The following PHF14 variants were observed in gnomAD, a reference collection of about 807,000 sequenced individuals.
PHF14 encodes the protein PHD finger protein 14.
A neutral mutation model predicts 117.9 loss-of-function variants in PHF14; 55 were observed. The ratio of observed to expected loss-of-function variants is 0.47; its 90% confidence interval spans 0.38 to 0.58. PHF14 has a LOEUF of 0.58. Among genes scored for constraint, PHF14 ranks in the 20% least tolerant of loss-of-function variants. The probability of loss-of-function intolerance (pLI) is 0.00; values close to 1 mark genes in which losing one functional copy is unlikely to be tolerated. For missense variants in PHF14, 978 were observed against 1,122.2 expected, an observed-to-expected ratio of 0.87 and a Z score of 1.84; for synonymous variants, 409 against 368.6, an observed-to-expected ratio of 1.11 and a Z score of -1.26.
At position 11,143,369 on chromosome 7, in the gene PHF14, C is replaced by T. The variant is rs1788453230; in HGVS notation, c.2773-26047C>T. On this transcript the variant is annotated intron_variant, in intron 17 of 17. Coordinates refer to ENST00000634607, the MANE Select transcript of PHF14 (RefSeq NM_001007157.2). Reference sequence around the variant, plus strand: ...CCCCTGGGGTCAAGTGATTCTTCCGCCTCTGCCTCCGAAAATGCTAGGATT... The same window carrying T: ...CCCCTGGGGTCAAGTGATTCTTCCGTCTCTGCCTCCGAAAATGCTAGGATT... 2.0e-5 allele frequency among the ~76,000 whole-genome samples: 3 copies of T among 150,556 alleles called. No homozygotes were observed. In the South Asian group the frequency reaches 6.2e-4, roughly 31 times the overall value.
intron 16 of PHF14, chr7:11,063,389 A>G (rs1427096118): frequency 1.0e-6 from 1 of 979,986 alleles, no homozygotes; most frequent in Non-Finnish European, 1.2e-6. Context: ...CATAAGCGTA[A>G]CATAATGGAG....
chr7:11,013,706 A>G (rs1215161256), intron 4 of PHF14, 41 bp from the exon 5 acceptor site: 13 of 1,193,416 alleles, frequency 1.1e-5, no homozygotes, highest in Non-Finnish European at 1.4e-5. Flanking sequence ...GACTTTAACA[A>G]AATAAACCCT....
At chr7:11,040,817 T>G (rs542479293) in intron 12 of PHF14, 42 bp downstream of exon 12, 4 of 890,966 alleles carry the variant, frequency 4.5e-6, no homozygotes, top group Non-Finnish European at 6.6e-6. Context: ...TGTTGTGTAT[T>G]TTTTTAAACT....
intron 1 of PHF14, among the ~76,000 whole-genome samples, 185 bp from the exon 2 acceptor site, chr7:10,974,650 C>T (rs568864681): frequency 7.9e-5 from 12 of 152,252 alleles, no homozygotes; most frequent in East Asian, 1.9e-4. Flanking sequence ...TGAAACTGCC[C>T]GTGGAGCTGT....
intron 17 of PHF14, among the ~76,000 whole-genome samples, chr7:11,140,601 T>G (rs1344790972): frequency 6.6e-6 from 1 of 152,176 alleles, no homozygotes; most frequent in East Asian, 1.9e-4. Context: ...ATAAATTTCT[T>G]GTTTTTCTTA....
intron 4 of PHF14, among the ~76,000 whole-genome samples, chr7:11,012,961 C>T (rs1470287432): frequency 2.6e-5 from 4 of 152,214 alleles, no homozygotes; most frequent in African/African-American, 7.2e-5. Flanking sequence ...TTTGCTTTTA[C>T]AATTGTATTA....
chr7:11,048,339 C>T (rs972026731), intron 13 of PHF14, among the ~76,000 whole-genome samples: 50 of 151,964 alleles, frequency 3.3e-4, no homozygotes, highest in African/African-American at 7.0e-4. Context: ...TTGGGGAGGG[C>T]GGGGCAGGTG....
chr7:11,115,679 A>G (rs993427769), intron 17 of PHF14, among the ~76,000 whole-genome samples: 3 of 152,026 alleles, frequency 2.0e-5, no homozygotes, highest in Admixed American at 6.6e-5. Flanking sequence ...AGGTTTGGCT[A>G]TTAATCCCAG....
At chr7:11,013,649 C>G (rs1460894057) in intron 4 of PHF14, 98 bp from the exon 5 acceptor site, 5 of 606,342 alleles carry the variant, frequency 8.2e-6, no homozygotes, top group Non-Finnish European at 1.4e-5. Flanking sequence ...TGTTTCATAT[C>G]TTTTTCCTCA....
chr7:11,077,713 T>C (rs1363821247), intron 16 of PHF14, among the ~76,000 whole-genome samples: 3 of 152,068 alleles, frequency 2.0e-5, no homozygotes, highest in Non-Finnish European at 2.9e-5. Context: ...CCTGTGAGCT[T>C]AGAGGTTGTT....
chr7:11,076,046 G>A (rs1356941088), intron 16 of PHF14, among the ~76,000 whole-genome samples: 2 of 152,174 alleles, frequency 1.3e-5, no homozygotes, highest in Admixed American at 6.5e-5. Flanking sequence ...GGCTGAGGCA[G>A]GAGAATGGTG....
At chr7:11,015,270 C>T (rs149925817) in intron 5 of PHF14, 89 of 152,068 alleles carry the variant, frequency 5.9e-4, no homozygotes, top group Middle Eastern at 3.4e-3. Flanking sequence ...GTGGACTGAT[C>T]CTTGAGAAAT....
chr7:11,090,362 A>G (rs900752330), intron 16 of PHF14, among the ~76,000 whole-genome samples: 4 of 152,224 alleles, frequency 2.6e-5, no homozygotes, highest in African/African-American at 4.8e-5. Context: ...GACTAAATCA[A>G]TGGGATTCAG....
chr7:11,007,581 T>C (rs1783167715), intron 4 of PHF14, among the ~76,000 whole-genome samples: 1 of 152,234 alleles, frequency 6.6e-6, no homozygotes, highest in African/African-American at 2.4e-5. Context: ...GACTTCCATA[T>C]TGTAATTCAG....
intron 17 of PHF14, among the ~76,000 whole-genome samples, chr7:11,151,715 G>T (rs1013794827): frequency 6.6e-6 from 1 of 152,018 alleles, no homozygotes; most frequent in Non-Finnish European, 1.5e-5. Flanking sequence ...AGTCATGCAT[G>T]GCCCTAGCTC....
intron 7 of PHF14, among the ~76,000 whole-genome samples, chr7:11,033,681 G>A (rs560178313): frequency 3.9e-5 from 6 of 152,210 alleles, no homozygotes; most frequent in Non-Finnish European, 8.8e-5. Context: ...CAGAGTCTTG[G>A]TCCAAATGCT....
At chr7:11,126,570 G>A (rs1787935075) in intron 17 of PHF14, among the ~76,000 whole-genome samples, 1 of 151,876 alleles carries the variant, frequency 6.6e-6, no homozygotes, top group African/African-American at 2.4e-5. Flanking sequence ...TTATTTAGCT[G>A]TTTCAAAATC....
At chr7:11,045,629 G>A (rs141809783) in intron 13 of PHF14, among the ~76,000 whole-genome samples, 1 of 152,310 alleles carries the variant, frequency 6.6e-6, no homozygotes, top group African/African-American at 2.4e-5. Context: ...AGATTTGGAT[G>A]CTTTCTTCAG....
At chr7:11,125,055 A>T (rs745506853) in intron 17 of PHF14, among the ~76,000 whole-genome samples, 8 of 152,114 alleles carry the variant, frequency 5.3e-5, no homozygotes, top group Non-Finnish European at 1.2e-4. Flanking sequence ...CATGAAATTC[A>T]ATTAAATAAG....
Sources: gnomAD v4.1 joint callset for allele counts (sites outside exome capture counted in the v4.1 genomes callset) on GRCh38, gnomAD v4.1.1 for gene constraint, MANE v1.5 for transcripts, NCBI Gene and HGNC (gene_info 2026-07-23, HGNC 2026-07-21) for gene names.